Variants in NELL2 observed in about 807,000 individuals in gnomAD.
NELL2 encodes the protein neural EGFL like 2, also known as protein kinase C-binding protein NELL2.
A neutral mutation model predicts 109.6 loss-of-function variants in NELL2; 41 were observed. The observed-to-expected ratio is 0.37, with a 90% CI of 0.29 to 0.49. The LOEUF (loss-of-function observed/expected upper bound fraction) is 0.49. NELL2 is among the 20% of genes least tolerant of loss of function. The pLI is 0.98. For synonymous variants in NELL2, 355 were observed against 344.7 expected (o/e 1.03, Z -0.33); for missense variants, 900 against 1,008.3 (o/e 0.89, Z 1.45).
chr12:44,674,791 G>A (rs991941775), intron 12 of NELL2, among the ~76,000 whole-genome samples: 3 of 152,138 alleles, frequency 2.0e-5, no homozygotes, highest in Admixed American at 6.6e-5. Context: ...ATAAAAGTCC[G>A]AGTCTTAAGT....
chr12:44,851,365 T>A (rs906760840), intron 2 of NELL2, among the ~76,000 whole-genome samples: 1 of 152,174 alleles, frequency 6.6e-6, no homozygotes, highest in Non-Finnish European at 1.5e-5. Flanking sequence ...TAACAGTCAT[T>A]TCTATGCATT....
At chr12:44,751,938 T>TAACA (rs1375301006) in intron 9 of NELL2, among the ~76,000 whole-genome samples, 1 of 151,618 alleles carries the variant, frequency 6.6e-6, no homozygotes, top group Non-Finnish European at 1.5e-5. Context: ...ACACTCACAC[T>TAACA]AACAATAGCT....
At position 44,892,802 on chromosome 12, in the gene NELL2, A is replaced by C. The variant is rs1945550641; in HGVS notation, c.39-16902T>G. ...GACAGAGCGAGACTCTGTCTCAAAA[A>C]AAAAAAAAAAAAAAAAAGAAACCAA... On this transcript the variant is annotated intron_variant, in intron 1 of 20. Coordinates refer to the NELL2 transcript ENST00000333837. 3.3e-5 allele frequency among the ~76,000 whole-genome samples: 5 copies of C among 150,528 alleles called. No homozygotes were observed. The South Asian group carries it at 1.0e-3, about 31-fold the overall frequency.
intron 1 of NELL2, among the ~76,000 whole-genome samples, chr12:44,899,718 A>G (rs1310980475): frequency 6.6e-6 from 1 of 152,200 alleles, no homozygotes; most frequent in African/African-American, 2.4e-5. Context: ...GGGCAAAATA[A>G]CCAGCTAGCA....
At chr12:44,744,749 C>T (rs1208357889) in intron 9 of NELL2, among the ~76,000 whole-genome samples, 1 of 152,102 alleles carries the variant, frequency 6.6e-6, no homozygotes, top group Non-Finnish European at 1.5e-5. Context: ...TAAGACTAAA[C>T]CAGGAAGAAG....
At chr12:44,754,969 C>T (rs1566317192) in intron 9 of NELL2, among the ~76,000 whole-genome samples, 1 of 152,134 alleles carries the variant, frequency 6.6e-6, no homozygotes, top group Non-Finnish European at 1.5e-5. Context: ...CTTTGTGAAC[C>T]AACCCAATGA....
intron 9 of NELL2, among the ~76,000 whole-genome samples, chr12:44,723,689 G>A (rs999249441): frequency 6.6e-6 from 1 of 152,080 alleles, no homozygotes; most frequent in East Asian, 1.9e-4. Flanking sequence ...GCAGTCTGAA[G>A]AGAAATAATT....
intron 12 of NELL2, among the ~76,000 whole-genome samples, chr12:44,674,617 A>G (rs1782070760): frequency 6.6e-6 from 1 of 152,190 alleles, no homozygotes; most frequent in South Asian, 2.1e-4. Context: ...ATGACCAACA[A>G]ATACGAGGAC....
intron 9 of NELL2, among the ~76,000 whole-genome samples, chr12:44,732,517 T>G (rs1592419021): frequency 6.6e-6 from 1 of 151,912 alleles, no homozygotes; most frequent in African/African-American, 2.4e-5. Flanking sequence ...AAGAATGAAA[T>G]TAGACCTCTA....
chr12:44,818,058 A>G (rs1943412117), intron 2 of NELL2, among the ~76,000 whole-genome samples: 1 of 152,236 alleles, frequency 6.6e-6, no homozygotes, highest in Admixed American at 6.5e-5. Flanking sequence ...CAACATTCAT[A>G]ACTCAAAAGC....
At chr12:44,845,899 T>C (rs1944354443) in intron 2 of NELL2, among the ~76,000 whole-genome samples, 1 of 152,214 alleles carries the variant, frequency 6.6e-6, no homozygotes, top group Non-Finnish European at 1.5e-5. Flanking sequence ...GTACATTTTA[T>C]TGGACTGCCT....
At chr12:44,863,322 A>T (rs1298818125) in intron 2 of NELL2, among the ~76,000 whole-genome samples, 1 of 152,238 alleles carries the variant, frequency 6.6e-6, no homozygotes, top group African/African-American at 2.4e-5. Flanking sequence ...ACAGTCTTCA[A>T]TCAGATTCAA....
At chr12:44,872,078 G>T (rs975250636) in intron 2 of NELL2, among the ~76,000 whole-genome samples, 2 of 152,082 alleles carry the variant, frequency 1.3e-5, no homozygotes, top group Admixed American at 1.3e-4. Flanking sequence ...CTCATGTACA[G>T]AGAGGAAAAA....
chr12:44,555,664 C>A (rs571504816), intron 15 of NELL2, among the ~76,000 whole-genome samples: 7 of 152,104 alleles, frequency 4.6e-5, no homozygotes, highest in Non-Finnish European at 7.4e-5. Context: ...GTTGCAGAGA[C>A]CAGCATGACA....
chr12:44,755,504 A>G (rs1940850695), intron 9 of NELL2, among the ~76,000 whole-genome samples: 1 of 151,466 alleles, frequency 6.6e-6, no homozygotes, highest in Non-Finnish European at 1.5e-5. Context: ...TGATTGACCT[A>G]TCCTGCACCC....
chr12:44,644,571 CAAAGT>C (rs1388328963), intron 13 of NELL2, among the ~76,000 whole-genome samples: 5 of 102,330 alleles, frequency 4.9e-5, no homozygotes, highest in Non-Finnish European at 9.8e-5. Flanking sequence ...CTATACCAGA[CAAAGT>C]AAAGTATATA....
At chr12:44,764,429 G>C (rs2136557441) in intron 9 of NELL2, among the ~76,000 whole-genome samples, 1 of 152,164 alleles carries the variant, frequency 6.6e-6, no homozygotes, top group Middle Eastern at 3.4e-3. Context: ...ATTTACTTTT[G>C]ATTTTTCCCT....
intron 12 of NELL2, among the ~76,000 whole-genome samples, chr12:44,670,516 T>C (rs1354203152): frequency 1.3e-5 from 2 of 151,146 alleles, no homozygotes; most frequent in African/African-American, 4.9e-5. Context: ...AATTAAAAGA[T>C]ATAAAACAGC....
At chr12:44,681,513 C>T (rs549084659) in intron 12 of NELL2, among the ~76,000 whole-genome samples, 2 of 151,916 alleles carry the variant, frequency 1.3e-5, no homozygotes, top group Non-Finnish European at 2.9e-5. Flanking sequence ...GTGCGCTGCA[C>T]CCATTAACTC....
Sources: gnomAD v4.1 joint callset for allele counts (sites outside exome capture counted in the v4.1 genomes callset) on GRCh38, gnomAD v4.1.1 for gene constraint, MANE v1.5 for transcripts, NCBI Gene and HGNC (gene_info 2026-07-23, HGNC 2026-07-21) for gene names.